THADA: variants seen among roughly 807,000 people sequenced by gnomAD.
The protein encoded by THADA is THADA armadillo repeat containing.
In THADA, 213 loss-of-function variants were observed where a neutral mutation model predicts 219.8. The observed-to-expected ratio is 0.97, with a 90% CI of 0.87 to 1.09. The LOEUF (loss-of-function observed/expected upper bound fraction) is 1.09. Ranked by LOEUF, THADA falls within the 50% of genes least tolerant of loss-of-function variation. The probability of loss-of-function intolerance (pLI) is 0.00; values close to 1 mark genes in which losing one functional copy is unlikely to be tolerated. For missense variants in THADA, 2,956 were observed against 2,311.3 expected (o/e 1.28, Z -5.72); for synonymous variants, 1,018 against 828.9 (o/e 1.23, Z -3.92).
rs553612528 is a variant in THADA, at chr2:43,554,477, C to T, written c.2674+1868G>A. On this transcript the variant is annotated intron_variant, in intron 17 of 37. Coordinates refer to ENST00000405975, the MANE Select transcript of THADA (RefSeq NM_022065.5). Reference sequence around the variant, plus strand: ...TAAAAATCAATAAGAAAAAGACAAACAACCCTACAGAAAAACTGGACAAAG... The same window carrying T: ...TAAAAATCAATAAGAAAAAGACAAATAACCCTACAGAAAAACTGGACAAAG... Among the ~76,000 whole-genome samples the T allele has an allele frequency of 2.0e-5, 3 of 152,150 alleles. No homozygotes were observed. The East Asian group carries it at 5.8e-4, about 29-fold the overall frequency.
At position 43,515,221 on chromosome 2, in the gene THADA, TATATATAATATATA is replaced by T. The variant is rs1558892114; in HGVS notation, c.3375-6455_3375-6442del. 1.2e-3 allele frequency among the ~76,000 whole-genome samples: 17 copies of T among 13,758 alleles called. 3 individuals carry two copies. The highest frequency in any genetic ancestry group is 6.4e-3 in the African/African-American group (17 of 2,670). 9.0% of individuals were successfully genotyped at this position (13,758 alleles called of 152,430 possible). A position where few individuals can be genotyped will look rare whatever the true frequency, so the allele number is the denominator to read the frequency against. The stretch of plus-strand genomic sequence containing the variant: ...ATATAATATATAATATATAATATAT[TATATATAATATATA>T]ATATATAATATATTATATATAATAT... On this transcript the variant is annotated intron_variant, in intron 22 of 37. Coordinates refer to ENST00000405975, the MANE Select transcript of THADA (RefSeq NM_022065.5).
chr2:43,327,097 A>G (rs1238904773), intron 30 of THADA, among the ~76,000 whole-genome samples: 1 of 152,144 alleles, frequency 6.6e-6, no homozygotes, highest in Non-Finnish European at 1.5e-5. Context: ...ACATAAAAAC[A>G]GAGGATTGAT....
In THADA at chr2:43,398,139, C is replaced by A. The variant is rs56269749; in HGVS notation, c.4059G>T (p.Arg1353Ser). ...SMGPFVPFIM[R>S]CGHSPVYHSR... ...AGTGGTAGACAGGTGAGTGACCACA[C>A]CTGGGGAGAAATAAAAACACAAGAC... Residue 1353 changes from arginine to serine, a missense_variant and splice_region_variant, in exon 29 of 38, where the codon AGG becomes AGT. Coordinates refer to ENST00000405975, the MANE Select transcript of THADA (RefSeq NM_022065.5). The A allele has an allele frequency of 6.6e-3, 10,709 of 1,613,348 alleles. 91 individuals are homozygous for A. Among genetic ancestry groups the A allele is most frequent in the South Asian group, 0.025 (2,263 of 90,992 alleles).
At position 43,471,265 on chromosome 2, in the gene THADA, T is replaced by C. The variant is rs115262165; in HGVS notation, c.3836+13969A>G. On this transcript the variant is annotated intron_variant, in intron 26 of 37. Transcript: ENST00000405975. ...ACCTGGCTGGGCATGGTGGCTCACA[T>C]CTATAATCCCAGCACTTTGGGAGAC... Among the ~76,000 whole-genome samples the C allele has an allele frequency of 5.0e-3, 764 of 152,232 alleles. 5 individuals are homozygous for C. The highest frequency in any genetic ancestry group is 0.018 in the African/African-American group (729 of 41,540).
chr2:43,481,961 G>C (rs1686285392), intron 26 of THADA, among the ~76,000 whole-genome samples: 1 of 152,184 alleles, frequency 6.6e-6, no homozygotes, highest in Admixed American at 6.5e-5. Context: ...TAAAAGGAAA[G>C]ACCTAGAGCT....
chr2:43,330,458 G>C (rs55877805), intron 30 of THADA, among the ~76,000 whole-genome samples: 15,757 of 152,202 alleles, frequency 0.1, 864 homozygotes, highest in Admixed American at 0.14. Context: ...CCTTGTGGAG[G>C]TGGCCGAAAC....
At chr2:43,575,146 T>G in intron 10 of THADA, 119 bp from the exon 11 acceptor site, 1 of 814,066 alleles carries the variant, frequency 1.2e-6, no homozygotes, top group Non-Finnish European at 1.8e-6. Flanking sequence ...ATTTCAATTA[T>G]TAAATTTACA....
chr2:43,502,639 A>T (rs1248333261), intron 24 of THADA, among the ~76,000 whole-genome samples: 1 of 151,562 alleles, frequency 6.6e-6, no homozygotes, highest in East Asian at 1.9e-4. Flanking sequence ...AAAATATAAA[A>T]TGTCTTTCCC....
chr2:43,340,231 C>T (rs957247075), intron 30 of THADA, among the ~76,000 whole-genome samples: 1 of 152,188 alleles, frequency 6.6e-6, no homozygotes, highest in African/African-American at 2.4e-5. Context: ...GCTTTGACAT[C>T]CTGGAATGAA....
At chr2:43,481,273 T>C (rs1446465686) in intron 26 of THADA, among the ~76,000 whole-genome samples, 1 of 152,236 alleles carries the variant, frequency 6.6e-6, no homozygotes, top group East Asian at 1.9e-4. Flanking sequence ...AAATACAATT[T>C]AACATCTCCC....
At chr2:43,447,583 A>C (rs35736182) in intron 26 of THADA, among the ~76,000 whole-genome samples, 1 of 152,208 alleles carries the variant, frequency 6.6e-6, no homozygotes, top group Non-Finnish European at 1.5e-5. Flanking sequence ...GAGTTAAGGC[A>C]CTGCAAAAAC....
In THADA at chr2:43,574,535, T is replaced by A; in HGVS notation, c.1530A>T (p.Lys510Asn). ...TMFRNHKSHLKSQTAESSWID... is the reference protein window; with the variant it reads ...TMFRNHKSHLNSQTAESSWID... ...TCCAAGAACTCTCAGCAGTCTGGGA[T>A]TTCAAATGACTCTTATGATTTCTAA... is the stretch of plus-strand genomic sequence containing the variant. The change falls in exon 11 of 38, where the codon AAA becomes AAT. Residue 510 changes from lysine to asparagine, a missense_variant. Lys to Asn is a moderately conservative substitution (Grantham distance 94). Transcript: ENST00000405975. The A allele has an allele frequency of 6.2e-7, 1 of 1,614,016 alleles. No homozygotes were observed. The highest frequency in any genetic ancestry group is 1.1e-5 in the South Asian group (1 of 91,082).
At position 43,518,797 on chromosome 2, in the gene THADA, C is replaced by G. The variant is rs531422307; in HGVS notation, c.3374+9082G>C. Among the ~76,000 whole-genome samples the G allele has an allele frequency of 1.1e-3, 162 of 152,246 alleles. 1 individual carries two copies. The highest frequency in any genetic ancestry group is 3.7e-3 in the African/African-American group (152 of 41,542). On this transcript the variant is annotated intron_variant, in intron 22 of 37. Transcript: ENST00000405975. Reference sequence around the variant, plus strand: ...CTGACTTTCAAACATATACCTCCAGCTGGAGTGAACAACTGTCCCTATTTG... The same window carrying G: ...CTGACTTTCAAACATATACCTCCAGGTGGAGTGAACAACTGTCCCTATTTG...
chr2:43,359,453 G>T (rs1169733443), intron 29 of THADA, among the ~76,000 whole-genome samples: 1 of 152,222 alleles, frequency 6.6e-6, no homozygotes, highest in Non-Finnish European at 1.5e-5. Context: ...GCTGAGGCGG[G>T]CAGATCACTT....
intron 1 of THADA, 52 bp from the exon 2 acceptor site, chr2:43,592,468 A>T (rs1701679566): frequency 9.0e-7 from 1 of 1,109,976 alleles, no homozygotes; most frequent in Admixed American, 2.2e-5. Context: ...CAACCTCAGC[A>T]CTATGATTTT....
intron 31 of THADA, among the ~76,000 whole-genome samples, chr2:43,319,099 G>T (rs1423243674): frequency 6.6e-6 from 1 of 152,148 alleles, no homozygotes; most frequent in African/African-American, 2.4e-5. Context: ...ATGGAATTTG[G>T]AACTGAAATA....
intron 27 of THADA, 33 bp from the exon 28 acceptor site, chr2:43,428,264 C>T (rs1236707791): frequency 3.2e-6 from 5 of 1,555,960 alleles, no homozygotes; most frequent in Non-Finnish European, 4.4e-6. Flanking sequence ...TGAAAGATTT[C>T]ACATTTAGGT....
chr2:43,498,658 G>A (rs1688566407), intron 25 of THADA, among the ~76,000 whole-genome samples, 175 bp downstream of exon 25: 1 of 151,948 alleles, frequency 6.6e-6, no homozygotes, highest in South Asian at 2.1e-4. Flanking sequence ...ACAAATGAGT[G>A]AAAATGGAAC....
chr2:43,448,313 A>G (rs1362224125), intron 26 of THADA, among the ~76,000 whole-genome samples: 1 of 152,212 alleles, frequency 6.6e-6, no homozygotes, highest in Non-Finnish European at 1.5e-5. Context: ...ACCAATCCCT[A>G]GCCTCATGGC....
Sources: gnomAD v4.1 joint callset for allele counts (sites outside exome capture counted in the v4.1 genomes callset) on GRCh38, gnomAD v4.1.1 for gene constraint, MANE v1.5 for transcripts, NCBI Gene and HGNC (gene_info 2026-07-23, HGNC 2026-07-21) for gene names.